Variants in ATAD2 observed in about 807,000 individuals in gnomAD.
ATAD2 encodes the protein ATPase family AAA domain containing 2.
In ATAD2, 62 loss-of-function variants were observed where a neutral mutation model predicts 168.9. That is an observed-to-expected ratio of 0.37 (90% CI 0.30 to 0.45). The LOEUF is 0.45. ATAD2 is among the 20% of genes least tolerant of loss of function. The probability of loss-of-function intolerance (pLI) is 1.00; values close to 1 mark genes in which losing one functional copy is unlikely to be tolerated. For synonymous variants in ATAD2, 613 were observed against 571.6 expected, an observed-to-expected ratio of 1.07 and a Z score of -1.03; for missense variants, 1,419 against 1,667.8, an observed-to-expected ratio of 0.85 and a Z score of 2.60.
At chr8:123,371,461 T>C (rs1005423780) in intron 4 of ATAD2, 123 bp from the exon 5 acceptor site, 7 of 851,274 alleles carry the variant, frequency 8.2e-6, no homozygotes, top group East Asian at 5.5e-5. Context: ...ATAAGAAGCA[T>C]TGATTTACTT....
rs1312685176 is a variant in ATAD2, at chr8:123,396,434, G to A, written c.-77C>T. 7.2e-7 allele frequency: 1 copy of A among 1,392,862 alleles called. No individual in the cohort carries two copies. The highest frequency in any genetic ancestry group is 2.7e-5 in the East Asian group (1 of 36,796). The allele number at this position is 1,392,862 out of a possible 1,614,324, so 86.3% of individuals were successfully genotyped here. A position where few individuals can be genotyped will look rare whatever the true frequency, so the allele number is the denominator to read the frequency against. ...AGGCGCTCGCAGCTCTGGCTCTTCC[G>A]CGCTCCGAATTCTGGCGCCACAAGC... On this transcript the variant is annotated 5_prime_UTR_variant, in exon 1 of 28. Coordinates refer to ENST00000287394, the MANE Select transcript of ATAD2 (RefSeq NM_014109.4).
At chr8:123,334,142 A>T in intron 23 of ATAD2, 58 bp downstream of exon 23, 1 of 1,542,778 alleles carries the variant, frequency 6.5e-7, no homozygotes, top group Non-Finnish European at 8.7e-7. Flanking sequence ...AAATTCATAT[A>T]TTCTGAAATT....
upstream of ATAD2, among the ~76,000 whole-genome samples, chr8:123,399,695 A>T (rs1812972303): frequency 6.6e-6 from 1 of 151,934 alleles, no homozygotes; most frequent in African/African-American, 2.4e-5. Flanking sequence ...TCTCTACCAA[A>T]AATACAAAAT....
At chr8:123,403,026 T>C (rs886315720) in intron 1 of ATAD2, among the ~76,000 whole-genome samples, 3 of 152,078 alleles carry the variant, frequency 2.0e-5, no homozygotes, top group Non-Finnish European at 2.9e-5. Context: ...GCTAGAGAAG[T>C]AGCTACTGAG....
chr8:123,401,722 G>A (rs542244094), intron 1 of ATAD2: 2 of 748,540 alleles, frequency 2.7e-6, no homozygotes, highest in South Asian at 2.8e-5. Context: ...CCATAGTGAT[G>A]ATGGGCTCCC....
chr8:123,405,082 G>C (rs912104037), intron 1 of ATAD2, among the ~76,000 whole-genome samples: 1 of 152,106 alleles, frequency 6.6e-6, no homozygotes, highest in Non-Finnish European at 1.5e-5. Context: ...TCTAGGTTTT[G>C]TGGATGGTAT....
At chr8:123,338,793 G>A (rs759464368) in intron 20 of ATAD2, among the ~76,000 whole-genome samples, 2 of 152,146 alleles carry the variant, frequency 1.3e-5, no homozygotes, top group Non-Finnish European at 2.9e-5. Context: ...TAGCTACTTC[G>A]GAGGCTGAGG....
At chr8:123,371,029 C>T in intron 5 of ATAD2, 39 bp from the exon 6 acceptor site, 2 of 1,437,196 alleles carry the variant, frequency 1.4e-6, no homozygotes, top group Non-Finnish European at 1.9e-6. Context: ...CATTTGGAAT[C>T]TATTTATTAA....
chr8:123,366,302 C>T (rs1488796414), intron 8 of ATAD2, among the ~76,000 whole-genome samples: 2 of 152,124 alleles, frequency 1.3e-5, no homozygotes, highest in East Asian at 3.8e-4. Context: ...ACCACTTCTA[C>T]ACTGCTGGTG....
intron 6 of ATAD2, 131 bp from the exon 7 acceptor site, chr8:123,370,155 A>AC: frequency 2.5e-6 from 2 of 809,008 alleles, no homozygotes; most frequent in Non-Finnish European, 3.9e-6. Flanking sequence ...AAAAACAACA[A>AC]AAAAAAACCA....
intron 14 of ATAD2, 145 bp downstream of exon 14, chr8:123,349,140 A>C (rs771633997): frequency 9.9e-5 from 70 of 704,214 alleles, no homozygotes; most frequent in Non-Finnish European, 1.4e-4. Flanking sequence ...AAGAATAAAA[A>C]TTTGTCCCCA....
At chr8:123,389,984 A>ATATATATATATATATAT in intron 1 of ATAD2, among the ~76,000 whole-genome samples, 1 of 115,186 alleles carries the variant, frequency 8.7e-6, no homozygotes, top group Non-Finnish European at 1.6e-5. Context: ...ATATATATAT[A>ATATATATATATATATAT]TTTTTTTTTT....
At chr8:123,390,826 G>C (rs555710763) in intron 1 of ATAD2, among the ~76,000 whole-genome samples, 1 of 152,142 alleles carries the variant, frequency 6.6e-6, no homozygotes, top group Admixed American at 6.5e-5. Context: ...GAGGTCAGGA[G>C]TTTGATACCC....
At chr8:123,375,907 A>G (rs1586894352) in intron 2 of ATAD2, among the ~76,000 whole-genome samples, 1 of 151,794 alleles carries the variant, frequency 6.6e-6, no homozygotes, top group African/African-American at 2.4e-5. Flanking sequence ...AGAGTTCAAG[A>G]CCAGCCTGGC....
chr8:123,341,251 C>T (rs938052688), intron 19 of ATAD2, among the ~76,000 whole-genome samples: 1 of 152,080 alleles, frequency 6.6e-6, no homozygotes, highest in Non-Finnish European at 1.5e-5. Flanking sequence ...AGAAGCTATG[C>T]TTTAAGAAAA....
At chr8:123,394,672 T>G (rs1376508107) in intron 1 of ATAD2, among the ~76,000 whole-genome samples, 2 of 152,134 alleles carry the variant, frequency 1.3e-5, no homozygotes, top group African/African-American at 4.8e-5. Flanking sequence ...TAACCAGTAT[T>G]CAATATATCA....
intron 25 of ATAD2, 75 bp from the exon 26 acceptor site, chr8:123,326,101 C>T: frequency 2.1e-6 from 3 of 1,456,332 alleles, no homozygotes; most frequent in Non-Finnish European, 2.8e-6. Flanking sequence ...TAATATTAGG[C>T]AGATTAAACA....
At chr8:123,390,130 T>C (rs11782956) in intron 1 of ATAD2, among the ~76,000 whole-genome samples, 2,875 of 151,388 alleles carry the variant, frequency 0.019, 37 homozygotes, top group Admixed American at 0.03. Flanking sequence ...AGGTGCACAC[T>C]GCCACATCCG....
intron 1 of ATAD2, among the ~76,000 whole-genome samples, chr8:123,383,421 T>C (rs933422070): frequency 1.3e-5 from 2 of 152,132 alleles, no homozygotes; most frequent in South Asian, 2.1e-4. Flanking sequence ...TTGCAGACAC[T>C]TCAAGGTATT....
Sources: gnomAD v4.1 joint callset for allele counts (sites outside exome capture counted in the v4.1 genomes callset) on GRCh38, gnomAD v4.1.1 for gene constraint, MANE v1.5 for transcripts, NCBI Gene and HGNC (gene_info 2026-07-23, HGNC 2026-07-21) for gene names.